The following SKAP1 variants were observed in gnomAD, a reference collection of about 807,000 sequenced individuals.
The protein encoded by SKAP1 is src kinase-associated phosphoprotein 1.
SKAP1 carries 44 observed loss-of-function variants against 58.5 expected under a neutral mutation model. The observed-to-expected ratio is 0.75, with a 90% CI of 0.59 to 0.97. The LOEUF is 0.97. Ranked by LOEUF, SKAP1 falls within the 50% of genes least tolerant of loss-of-function variation. SKAP1 has a pLI of 0.00. For synonymous variants in SKAP1, 127 were observed against 149.7 expected, an observed-to-expected ratio of 0.85 and a Z score of 1.11; for missense variants, 390 against 435.2, an observed-to-expected ratio of 0.90 and a Z score of 0.92.
chr17:48,348,670 G>A (rs982473127), intron 3 of SKAP1, among the ~76,000 whole-genome samples: 4 of 151,952 alleles, frequency 2.6e-5, no homozygotes, highest in African/African-American at 9.7e-5. Context: ...TTTCTGTTTT[G>A]GGATCCAATC....
At chr17:48,434,848 A>G (rs1373691689), upstream of SKAP1, among the ~76,000 whole-genome samples, 2 of 152,244 alleles carry the variant, frequency 1.3e-5, no homozygotes, top group Middle Eastern at 3.4e-3. Context: ...GCCCTCCTCC[A>G]TCTAAATAGT....
At chr17:48,205,286 T>A (rs2064795669) in intron 4 of SKAP1, among the ~76,000 whole-genome samples, 2 of 151,792 alleles carry the variant, frequency 1.3e-5, no homozygotes, top group South Asian at 4.2e-4. Context: ...ATTTTTGGAT[T>A]TTTTGGTCGA....
intron 10 of SKAP1, among the ~76,000 whole-genome samples, chr17:48,166,088 A>C (rs1429981188): frequency 6.6e-6 from 1 of 152,196 alleles, no homozygotes; most frequent in East Asian, 1.9e-4. Flanking sequence ...TAATAACTAA[A>C]ACAGTTATAA....
At chr17:48,242,128 T>G (rs1346019364) in intron 4 of SKAP1, among the ~76,000 whole-genome samples, 1 of 152,188 alleles carries the variant, frequency 6.6e-6, no homozygotes, top group East Asian at 1.9e-4. Flanking sequence ...AAGCTTTACC[T>G]GGGGGAAGGG....
chr17:48,281,648 C>T (rs1308180220), intron 4 of SKAP1, among the ~76,000 whole-genome samples: 2 of 151,590 alleles, frequency 1.3e-5, no homozygotes, highest in Non-Finnish European at 2.9e-5. Context: ...ACTGTGGCCA[C>T]CATCTAGTGA....
chr17:48,378,312 T>G (rs2067176026), intron 2 of SKAP1, among the ~76,000 whole-genome samples: 1 of 152,224 alleles, frequency 6.6e-6, no homozygotes, highest in Non-Finnish European at 1.5e-5. Context: ...CTCCTCCATC[T>G]TCTAGCTGAG....
chr17:48,164,492 A>T (rs571913365), intron 10 of SKAP1, among the ~76,000 whole-genome samples: 5 of 152,280 alleles, frequency 3.3e-5, no homozygotes, highest in African/African-American at 1.2e-4. Flanking sequence ...TTTTTGGTGT[A>T]TACATAAAAA....
At chr17:48,355,266 T>C (rs1219294501) in intron 3 of SKAP1, among the ~76,000 whole-genome samples, 5 of 152,124 alleles carry the variant, frequency 3.3e-5, no homozygotes, top group Non-Finnish European at 7.4e-5. Flanking sequence ...TAATTTAAAA[T>C]TGTTATTATT....
At chr17:48,324,431 T>C (rs1365929899) in intron 4 of SKAP1, among the ~76,000 whole-genome samples, 1 of 152,148 alleles carries the variant, frequency 6.6e-6, no homozygotes, top group Admixed American at 6.6e-5. Flanking sequence ...GTAACTTTCA[T>C]TGCTTATTTT....
chr17:48,280,770 T>G (rs1039825234), intron 4 of SKAP1, among the ~76,000 whole-genome samples: 3 of 152,218 alleles, frequency 2.0e-5, no homozygotes, highest in Non-Finnish European at 4.4e-5. Flanking sequence ...TCATATAGTA[T>G]CTAATATTTT....
the SKAP1 span, among the ~76,000 whole-genome samples, chr17:48,443,288 A>ATTAAATT: frequency 6.6e-6 from 1 of 152,158 alleles, no homozygotes; most frequent in Non-Finnish European, 1.5e-5. Flanking sequence ...AATGGCAAAA[A>ATTAAATT]CAGCAATTAC....
At chr17:48,148,649 T>C (rs995892388) in intron 11 of SKAP1, among the ~76,000 whole-genome samples, 12 of 152,318 alleles carry the variant, frequency 7.9e-5, no homozygotes, top group Admixed American at 3.3e-4. Flanking sequence ...AATCTCCACA[T>C]TGCCTTTAAT....
intron 1 of SKAP1, among the ~76,000 whole-genome samples, chr17:48,424,468 G>A (rs2067833410): frequency 1.3e-5 from 2 of 150,548 alleles, no homozygotes; most frequent in African/African-American, 2.4e-5. Context: ...CTTGTGATCC[G>A]CCCACCTCAG....
At chr17:48,394,477 G>A (rs372101228) in intron 2 of SKAP1, among the ~76,000 whole-genome samples, 1 of 151,912 alleles carries the variant, frequency 6.6e-6, no homozygotes, top group African/African-American at 2.4e-5. Flanking sequence ...AAATGGCTGG[G>A]ACCACAGGCA....
chr17:48,349,509 A>T (rs2066768539), intron 3 of SKAP1, among the ~76,000 whole-genome samples: 1 of 152,186 alleles, frequency 6.6e-6, no homozygotes, highest in African/African-American at 2.4e-5. Context: ...CATTAATCAC[A>T]TCCACTACCT....
intron 4 of SKAP1, among the ~76,000 whole-genome samples, chr17:48,230,117 C>T (rs2065110796): frequency 6.6e-6 from 1 of 152,106 alleles, no homozygotes; most frequent in Non-Finnish European, 1.5e-5. Flanking sequence ...ACTTGTCCAG[C>T]CATGGCCATT....
chr17:48,293,157 C>T (rs2065920014), intron 4 of SKAP1, among the ~76,000 whole-genome samples: 1 of 152,072 alleles, frequency 6.6e-6, no homozygotes, highest in Non-Finnish European at 1.5e-5. Flanking sequence ...GTAATTTTTA[C>T]AAATATGTTT....
intron 3 of SKAP1, among the ~76,000 whole-genome samples, chr17:48,358,276 T>G (rs1455595198): frequency 1.3e-5 from 2 of 152,240 alleles, no homozygotes; most frequent in Non-Finnish European, 2.9e-5. Context: ...AGTATTTTCA[T>G]AAATAAAATT....
At chr17:48,194,477 G>A (rs2064596991) in intron 4 of SKAP1, among the ~76,000 whole-genome samples, 1 of 152,040 alleles carries the variant, frequency 6.6e-6, no homozygotes, top group Non-Finnish European at 1.5e-5. Context: ...GTGAGTCACG[G>A]CCTATTTAAC....
Sources: allele counts gnomAD v4.1 joint callset (sites outside exome capture counted in the v4.1 genomes callset), GRCh38; gene constraint gnomAD v4.1.1; transcripts MANE v1.5; gene names NCBI Gene and HGNC (gene_info 2026-07-23, HGNC 2026-07-21).